Variants in PPP3CA observed in about 807,000 individuals in gnomAD.
The protein encoded by PPP3CA is protein phosphatase 3 catalytic subunit alpha.
A neutral mutation model predicts 66.5 loss-of-function variants in PPP3CA; 14 were observed. The ratio of observed to expected loss-of-function variants is 0.21; its 90% CI spans 0.14 to 0.33. The LOEUF (loss-of-function observed/expected upper bound fraction) is 0.33. PPP3CA is among the 10% of genes least tolerant of loss of function. The pLI, the probability that PPP3CA is intolerant of heterozygous loss-of-function variation, is 1.00. For missense variants in PPP3CA, 317 were observed against 639.5 expected, an observed-to-expected ratio of 0.50 and a Z score of 5.44; for synonymous variants, 232 against 226.2, an observed-to-expected ratio of 1.03 and a Z score of -0.23.
At position 101,297,088 on chromosome 4, in the gene PPP3CA, T is replaced by C. The variant is rs141477063; in HGVS notation, c.58+49651A>G. ...GGTTCAGAGACAGTAGCAAATAAAA[T>C]AATACATAATGATAAAACAGGAAAT... On this transcript the variant is annotated intron_variant, in intron 1 of 13. Transcript: ENST00000394854. 5.9e-3 allele frequency among the ~76,000 whole-genome samples: 893 copies of C among 152,294 alleles called. 11 individuals are homozygous for C. The highest frequency in any genetic ancestry group is 0.019 in the African/African-American group (797 of 41,562).
In PPP3CA at chr4:101,098,631, A is replaced by G. The variant is rs1306272698; in HGVS notation, c.497-119T>C. ...CCCTATTATTAACATAAAGGCACAT[A>G]CTACAAAATTCCAAAACATAATTAA... On this transcript the variant is annotated intron_variant, in intron 4 of 13. Transcript: ENST00000394854. 3.6e-6 allele frequency: 3 copies of G among 844,016 alleles called. No homozygotes were observed. The African/African-American group carries it at 5.5e-5, about 16-fold the overall frequency. 52.3% of individuals were successfully genotyped at this position (844,016 alleles called of 1,614,324 possible).
At chr4:101,189,475 C>T (rs1724520573) in intron 2 of PPP3CA, among the ~76,000 whole-genome samples, 1 of 151,830 alleles carries the variant, frequency 6.6e-6, no homozygotes, top group Non-Finnish European at 1.5e-5. Flanking sequence ...CATTAACCTC[C>T]ACCCCCAAAT....
intron 1 of PPP3CA, among the ~76,000 whole-genome samples, chr4:101,237,066 A>T (rs1424185689): frequency 1.3e-5 from 2 of 150,106 alleles, no homozygotes; most frequent in African/African-American, 4.9e-5. Context: ...TGGCAACTAG[A>T]TCATTAAAAT....
At chr4:101,225,567 G>A (rs1473851048) in intron 1 of PPP3CA, among the ~76,000 whole-genome samples, 1 of 151,686 alleles carries the variant, frequency 6.6e-6, no homozygotes, top group African/African-American at 2.4e-5. Context: ...TAATTTATTG[G>A]TTCCAGAATG....
chr4:101,079,939 T>A (rs1729363510), intron 8 of PPP3CA, among the ~76,000 whole-genome samples: 1 of 152,192 alleles, frequency 6.6e-6, no homozygotes, highest in Non-Finnish European at 1.5e-5. Flanking sequence ...ACTTCCTAAT[T>A]AAGTGACCTT....
At chr4:101,094,138 A>AT (rs1730086802) in intron 5 of PPP3CA, among the ~76,000 whole-genome samples, 1 of 151,824 alleles carries the variant, frequency 6.6e-6, no homozygotes, top group South Asian at 2.1e-4. Context: ...TGATGAGATC[A>AT]TTTAGTATCT....
At chr4:101,305,776 G>T (rs1728516383) in intron 1 of PPP3CA, among the ~76,000 whole-genome samples, 2 of 152,042 alleles carry the variant, frequency 1.3e-5, no homozygotes, top group South Asian at 4.2e-4. Flanking sequence ...GTTATGGAGG[G>T]GGGTGTTTAA....
chr4:101,314,837 A>C (rs954891132), intron 1 of PPP3CA, among the ~76,000 whole-genome samples: 1 of 152,172 alleles, frequency 6.6e-6, no homozygotes, highest in Non-Finnish European at 1.5e-5. Context: ...CTGAATGGCT[A>C]CCTTCCTTCA....
rs926689900 is a variant in PPP3CA, at chr4:101,026,179, G to T, written c.1370-118C>A. Reference sequence around the variant, plus strand: ...CAGTGAGAGGGAATCCTTCAGTGAAGAACAAAGTGACGGGACCTGCACACC... The same window carrying T: ...CAGTGAGAGGGAATCCTTCAGTGAATAACAAAGTGACGGGACCTGCACACC... On this transcript the variant is annotated intron_variant, in intron 13 of 13. Transcript: ENST00000394854. 18 of 823,740 alleles carry T rather than the reference G, an allele frequency of 2.2e-5. No homozygotes were observed. The African/African-American group carries it at 2.8e-4, about 13-fold the overall frequency. 51.0% of individuals were successfully genotyped at this position (823,740 alleles called of 1,614,324 possible).
chr4:101,090,497 G>T (rs1158171233), intron 6 of PPP3CA, among the ~76,000 whole-genome samples: 1 of 151,418 alleles, frequency 6.6e-6, no homozygotes, highest in East Asian at 1.9e-4. Context: ...AAAAAATTAG[G>T]CAGGCATGGT....
intron 1 of PPP3CA, among the ~76,000 whole-genome samples, chr4:101,210,784 T>C (rs1032954376): frequency 6.6e-6 from 1 of 152,196 alleles, no homozygotes; most frequent in Non-Finnish European, 1.5e-5. Context: ...GCTGCCAGTA[T>C]TAATTTTTAC....
intron 11 of PPP3CA, among the ~76,000 whole-genome samples, chr4:101,038,125 G>A (rs150498202): frequency 1.2e-3 from 181 of 152,250 alleles, no homozygotes; most frequent in African/African-American, 4.1e-3. Flanking sequence ...CACTTAGCAA[G>A]TGCCCCATAA....
At chr4:101,237,353 T>C (rs1726162364) in intron 1 of PPP3CA, among the ~76,000 whole-genome samples, 2 of 151,860 alleles carry the variant, frequency 1.3e-5, no homozygotes, top group Non-Finnish European at 2.9e-5. Context: ...TATCCAGTAT[T>C]CCAGGGAGTG....
intron 1 of PPP3CA, among the ~76,000 whole-genome samples, chr4:101,298,327 A>G (rs1479323213): frequency 1.4e-5 from 2 of 146,252 alleles, no homozygotes; most frequent in Non-Finnish European, 2.9e-5. Context: ...CAATACCTAT[A>G]CCAAGCAGGG....
intron 10 of PPP3CA, among the ~76,000 whole-genome samples, chr4:101,060,475 T>C (rs1407533045): frequency 1.3e-5 from 2 of 152,122 alleles, no homozygotes; most frequent in African/African-American, 4.8e-5. Context: ...TCAGGGTAAT[T>C]TTCCCCTTCA....
chr4:101,333,270 G>GTTTTTTT lies in PPP3CA; in HGVS notation c.58+13462_58+13468dup, dbSNP rs70961788. On this transcript the variant is annotated intron_variant, in intron 1 of 13. Coordinates refer to ENST00000394854, the MANE Select transcript of PPP3CA (RefSeq NM_000944.5). ...CTACAGGCATGCACTACCATGCCCA[G>GTTTTTTT]TTTTTTTTTTTTTTTTTTTTTTTTT... Among the ~76,000 whole-genome samples, 44 of 47,264 alleles carry GTTTTTTT rather than the reference G, an allele frequency of 9.3e-4. 10 individuals carry two copies. The highest frequency in any genetic ancestry group is 1.4e-3 in the Non-Finnish European group (28 of 20,150). The allele number at this position is 47,264 out of a possible 152,430, so 31.0% of individuals were successfully genotyped here.
chr4:101,313,125 A>AT (rs751451248), intron 1 of PPP3CA, among the ~76,000 whole-genome samples: 26 of 151,224 alleles, frequency 1.7e-4, no homozygotes, highest in East Asian at 1.2e-3. Flanking sequence ...GTAGGACTGT[A>AT]TTTTTTTTTA....
chr4:101,106,373 AAAAGAAAGAAAGAAAGAAAG>A (rs1156736728), intron 3 of PPP3CA, among the ~76,000 whole-genome samples: 1 of 14,080 alleles, frequency 7.1e-5, no homozygotes, highest in Non-Finnish European at 1.6e-4. Flanking sequence ...TAAAAGAGAG[AAAAGAAAGAAAGAAAGAAAG>A]AAAGAAAGAA....
Position 101,191,708 on chromosome 4 carries a change from C to T in PPP3CA, c.259+4208G>A, listed in dbSNP as rs74772577. The stretch of plus-strand genomic sequence containing the variant: ...CAGATTCCTATCCCTGCTTAACTCT[C>T]CTCAGAGTGCAGGCAAGGGGAATTC... On this transcript the variant is annotated intron_variant, in intron 2 of 13. Transcript: ENST00000394854. Among the ~76,000 whole-genome samples, 1,223 of 152,302 alleles carry T rather than the reference C, an allele frequency of 8.0e-3. 16 individuals carry two copies. The highest frequency in any genetic ancestry group is 0.028 in the African/African-American group (1,175 of 41,564).
Sources: allele counts gnomAD v4.1 joint callset (sites outside exome capture counted in the v4.1 genomes callset), GRCh38; gene constraint gnomAD v4.1.1; transcripts MANE v1.5; gene names NCBI Gene and HGNC (gene_info 2026-07-23, HGNC 2026-07-21).